PNLIPRP3: variants seen among roughly 807,000 people sequenced by gnomAD.
PNLIPRP3 encodes pancreatic lipase related protein 3.
In PNLIPRP3, 58 loss-of-function variants were observed where a neutral mutation model predicts 52.8. The observed-to-expected ratio is 1.10, with a 90% CI of 0.89 to 1.37. The LOEUF (loss-of-function observed/expected upper bound fraction) is 1.37. PNLIPRP3 is among the 40% of genes most tolerant of loss of function. The pLI is 0.00. For synonymous variants in PNLIPRP3, 192 were observed against 185.0 expected, an observed-to-expected ratio of 1.04 and a Z score of -0.31; for missense variants, 593 against 561.6, an observed-to-expected ratio of 1.06 and a Z score of -0.57.
intron 10 of PNLIPRP3, among the ~76,000 whole-genome samples, chr10:116,472,745 TCTC>T (rs1366683885): frequency 6.6e-6 from 1 of 152,156 alleles, no homozygotes; most frequent in Admixed American, 6.5e-5. Context: ...AGCCCACCCT[TCTC>T]CTAACCATGT....
intron 4 of PNLIPRP3, 55 bp downstream of exon 4, chr10:116,444,568 C>G: frequency 1.3e-6 from 2 of 1,522,984 alleles, no homozygotes; most frequent in African/African-American, 1.4e-5. Flanking sequence ...GATATTAACA[C>G]TCAGAAGTTG....
chr10:116,444,933 C>A (rs181664160), intron 4 of PNLIPRP3, among the ~76,000 whole-genome samples: 5 of 152,104 alleles, frequency 3.3e-5, no homozygotes. Flanking sequence ...GGTCTGTAGG[C>A]CAGTCCAGAC....
chr10:116,461,350 A>G, intron 7 of PNLIPRP3, 60 bp downstream of exon 7: 1 of 1,555,170 alleles, frequency 6.4e-7, no homozygotes, highest in Non-Finnish European at 8.8e-7. Context: ...CTCTCCTTAG[A>G]TGGGATCCAC....
intron 1 of PNLIPRP3, among the ~76,000 whole-genome samples, chr10:116,434,502 G>A (rs965321601): frequency 3.9e-5 from 6 of 151,964 alleles, no homozygotes; most frequent in Non-Finnish European, 8.8e-5. Context: ...TTTCTTAAGT[G>A]GCTTTAATAC....
intron 5 of PNLIPRP3, among the ~76,000 whole-genome samples, chr10:116,460,138 G>A (rs1382092988): frequency 6.6e-6 from 1 of 152,140 alleles, no homozygotes; most frequent in African/African-American, 2.4e-5. Flanking sequence ...TCTGTGCTTG[G>A]ATAACACTTA....
chr10:116,441,019 T>C (rs1845850714), intron 2 of PNLIPRP3, among the ~76,000 whole-genome samples: 1 of 152,184 alleles, frequency 6.6e-6, no homozygotes, highest in Admixed American at 6.5e-5. Flanking sequence ...TTCCTCTCGA[T>C]AACCTATTCT....
At chr10:116,428,137 T>G in intron 1 of PNLIPRP3, 76 bp downstream of exon 1, 1 of 1,077,040 alleles carries the variant, frequency 9.3e-7, no homozygotes, top group Non-Finnish European at 1.4e-6. Flanking sequence ...TGACATGAAC[T>G]TATTCTTTAG....
At chr10:116,467,605 C>A (rs1271055991) in intron 8 of PNLIPRP3, among the ~76,000 whole-genome samples, 4 of 152,054 alleles carry the variant, frequency 2.6e-5, no homozygotes, top group Non-Finnish European at 1.5e-5. Context: ...ACCTTATATT[C>A]CCTTCAATCC....
intron 5 of PNLIPRP3, among the ~76,000 whole-genome samples, chr10:116,460,033 T>C (rs753317871): frequency 9.9e-5 from 15 of 152,188 alleles, no homozygotes; most frequent in Non-Finnish European, 5.9e-5. Context: ...CCGAGGGTGC[T>C]GGGATTACAG....
At chr10:116,430,109 G>GT (rs1845688831) in intron 1 of PNLIPRP3, among the ~76,000 whole-genome samples, 1 of 152,174 alleles carries the variant, frequency 6.6e-6, no homozygotes, top group South Asian at 2.1e-4. Context: ...TAGGATGAAG[G>GT]TTTGCCTTTG....
At chr10:116,468,943 T>G (rs1846322306) in intron 8 of PNLIPRP3, among the ~76,000 whole-genome samples, 1 of 152,228 alleles carries the variant, frequency 6.6e-6, no homozygotes, top group African/African-American at 2.4e-5. Flanking sequence ...TTGAGTTTCC[T>G]CTTCCGTGGA....
intron 10 of PNLIPRP3, among the ~76,000 whole-genome samples, chr10:116,472,580 C>T (rs968601153): frequency 3.3e-5 from 5 of 152,282 alleles, no homozygotes; most frequent in African/African-American, 9.6e-5. Flanking sequence ...GGCACAGGCA[C>T]GAAAAGCAGA....
intron 2 of PNLIPRP3, among the ~76,000 whole-genome samples, chr10:116,438,400 A>G (rs1845808059): frequency 6.6e-6 from 1 of 152,158 alleles, no homozygotes; most frequent in Non-Finnish European, 1.5e-5. Flanking sequence ...CCCATCACAT[A>G]CTGCTGGGCC....
rs113631073 is a variant in PNLIPRP3, at chr10:116,464,285, T to C, written c.809-1765T>C. ...AACAGAGAGGCAGAGTCTTAACTGG[T>C]CTACAATGGAGATACTATATGCACA... is the stretch of plus-strand genomic sequence containing the variant. On this transcript the variant is annotated intron_variant, in intron 7 of 11. Coordinates refer to ENST00000369230, the MANE Select transcript of PNLIPRP3 (RefSeq NM_001011709.3). 7.8e-3 allele frequency among the ~76,000 whole-genome samples: 1,194 copies of C among 152,284 alleles called. 16 individuals are homozygous for C. Among genetic ancestry groups the C allele is most frequent in the African/African-American group, 0.028 (1,155 of 41,558 alleles).
At chr10:116,466,000 T>TA (rs1411893815) in intron 7 of PNLIPRP3, 50 bp from the exon 8 acceptor site, 1 of 1,312,686 alleles carries the variant, frequency 7.6e-7, no homozygotes, top group East Asian at 2.3e-5. Flanking sequence ...TGGTTTATGC[T>TA]ACCAGTTATC....
chr10:116,447,319 G>T (rs918314524), intron 4 of PNLIPRP3, among the ~76,000 whole-genome samples: 1 of 152,158 alleles, frequency 6.6e-6, no homozygotes, highest in African/African-American at 2.4e-5. Context: ...TGTTGGCTAG[G>T]CTGATTGGTG....
At chr10:116,432,601 A>T (rs1025891364) in intron 1 of PNLIPRP3, among the ~76,000 whole-genome samples, 1 of 152,204 alleles carries the variant, frequency 6.6e-6, no homozygotes. Flanking sequence ...GCTTAATAAA[A>T]CTAATGATGC....
At chr10:116,443,801 GCATATATATATATATA>G (rs1177055407) in intron 3 of PNLIPRP3, among the ~76,000 whole-genome samples, 1,034 of 11,052 alleles carry the variant, frequency 0.094, 29 homozygotes, top group South Asian at 0.42. Context: ...ATGTGTGTGT[GCATATATATATATATA>G]TATATATATA....
At chr10:116,451,004 G>C (rs1846028160) in intron 4 of PNLIPRP3, among the ~76,000 whole-genome samples, 1 of 151,888 alleles carries the variant, frequency 6.6e-6, no homozygotes, top group South Asian at 2.1e-4. Context: ...CGAGAAAGAA[G>C]AACTAAGCTG....
Sources: allele counts gnomAD v4.1 joint callset (sites outside exome capture counted in the v4.1 genomes callset), GRCh38; gene constraint gnomAD v4.1.1; transcripts MANE v1.5; gene names NCBI Gene and HGNC (gene_info 2026-07-23, HGNC 2026-07-21).